Variants in KDM2B observed in about 807,000 individuals in gnomAD.
KDM2B encodes lysine demethylase 2B.
A neutral mutation model predicts 150.0 loss-of-function variants in KDM2B; 26 were observed. That is an observed-to-expected ratio of 0.17 (90% confidence interval 0.13 to 0.24). The LOEUF (loss-of-function observed/expected upper bound fraction) is 0.24, where lower values mean the gene tolerates loss of function less well. KDM2B is among the 10% of genes least tolerant of loss of function. KDM2B has a pLI of 1.00. For synonymous variants in KDM2B, 734 were observed against 729.5 expected, an observed-to-expected ratio of 1.01 and a Z score of -0.10; for missense variants, 1,265 against 1,816.9, an observed-to-expected ratio of 0.70 and a Z score of 5.52.
chr12:121,420,477 G>A, the KDM2B span: 1 of 1,567,682 alleles, frequency 6.4e-7, no homozygotes, highest in Non-Finnish European at 8.7e-7. Flanking sequence ...TTCTAGGACT[G>A]CTGAGATGGC....
chr12:121,534,748 T>G, intron 6 of KDM2B, 158 bp from the exon 7 acceptor site: 1 of 592,400 alleles, frequency 1.7e-6, no homozygotes, highest in Non-Finnish European at 3.0e-6. Flanking sequence ...GTAATCGGAG[T>G]TCCCCACGGG....
chr12:121,467,228 A>G lies in KDM2B; in HGVS notation c.1735-13884T>C. 4 of 1,025,336 alleles carry G rather than the reference A, an allele frequency of 3.9e-6. No homozygotes were observed. The highest frequency in any genetic ancestry group is 3.0e-5 in the South Asian group (1 of 33,406). The allele number at this position is 1,025,336 out of a possible 1,614,324, so 63.5% of individuals were successfully genotyped here. A position where few individuals can be genotyped will look rare whatever the true frequency, so the allele number is the denominator to read the frequency against. ...CATGGCCATGGCTCATGGTGGGCCC[A>G]GGCTCGCGCGCGCTGACATGGCTGG... On this transcript the variant is annotated intron_variant, in intron 12 of 22. Transcript: ENST00000377071. This position sits in a 1 kb window ranked among gnomAD's most constrained non-coding sequence, Gnocchi z 5.1.
downstream of KDM2B, among the ~76,000 whole-genome samples, chr12:121,428,407 C>A (rs1872618076): frequency 6.6e-6 from 1 of 152,096 alleles, no homozygotes; most frequent in Non-Finnish European, 1.5e-5. Flanking sequence ...TGTGGTCAGG[C>A]TGGTCTTGAA....
chr12:121,494,434 C>T lies in KDM2B; in HGVS notation c.1734+145G>A, dbSNP rs1883687599. On this transcript the variant is annotated intron_variant, in intron 12 of 22. Transcript: ENST00000377071. ...CCCTTTTAAAAACAAAAACATGGAA[C>T]AAATCACCAAAATCCTTCATCTTAA... 5.0e-6 allele frequency: 3 copies of T among 601,614 alleles called. No individual in the cohort carries two copies. The East Asian group carries it at 9.2e-5, about 18-fold the overall frequency. The allele number at this position is 601,614 out of a possible 1,614,324, so 37.3% of individuals were successfully genotyped here. A position where few individuals can be genotyped will look rare whatever the true frequency, so the allele number is the denominator to read the frequency against.
At chr12:121,548,262 G>C (rs1555311098) in intron 6 of KDM2B, among the ~76,000 whole-genome samples, 1 of 152,066 alleles carries the variant, frequency 6.6e-6, no homozygotes, top group African/African-American at 2.4e-5. Flanking sequence ...GCAAGACTCT[G>C]TCTCAGAAAA....
At chr12:121,425,542 T>G (rs1428375853), downstream of KDM2B, among the ~76,000 whole-genome samples, 4 of 151,972 alleles carry the variant, frequency 2.6e-5, no homozygotes, top group Non-Finnish European at 5.9e-5. Context: ...AAAATACCTG[T>G]GAACACCAGG....
chr12:121,436,507 T>C (rs1378039152), intron 22 of KDM2B, among the ~76,000 whole-genome samples: 17 of 135,846 alleles, frequency 1.3e-4, no homozygotes, highest in African/African-American at 4.7e-4. Context: ...GGCGACAGAG[T>C]GAGACTCCAT....
intron 12 of KDM2B, among the ~76,000 whole-genome samples, chr12:121,473,562 T>C (rs1446655981): frequency 1.3e-5 from 2 of 150,708 alleles, no homozygotes; most frequent in African/African-American, 4.9e-5. Context: ...CTACTAAAAA[T>C]ACAAAAGTCA....
chr12:121,530,504 G>C (rs1295638825), intron 8 of KDM2B, among the ~76,000 whole-genome samples: 1 of 151,826 alleles, frequency 6.6e-6, no homozygotes, highest in Non-Finnish European at 1.5e-5. Flanking sequence ...GCTGGGAACC[G>C]CTGAACTATG....
chr12:121,411,372 C>T, the KDM2B span, among the ~76,000 whole-genome samples: 1 of 152,128 alleles, frequency 6.6e-6, no homozygotes, highest in Non-Finnish European at 1.5e-5. Context: ...TTGGTATCTA[C>T]ACAGAGAATC....
chr12:121,447,222 C>A (rs1876426100), intron 13 of KDM2B, among the ~76,000 whole-genome samples: 1 of 151,976 alleles, frequency 6.6e-6, no homozygotes, highest in Non-Finnish European at 1.5e-5. Context: ...AACACAGAAG[C>A]AGATATGAAA....
chr12:121,449,014 C>G (rs1333621377), intron 13 of KDM2B, among the ~76,000 whole-genome samples: 6 of 152,184 alleles, frequency 3.9e-5, no homozygotes, highest in African/African-American at 1.4e-4. Context: ...CAGGCCAGGC[C>G]AAAGGGGACG....
chr12:121,565,204 T>TAAG (rs550776597), intron 4 of KDM2B, among the ~76,000 whole-genome samples: 285 of 151,966 alleles, frequency 1.9e-3, no homozygotes, highest in African/African-American at 6.3e-3. Context: ...TAAAGCTAGT[T>TAAG]AAGACAGTGT....
Position 121,509,800 on chromosome 12 carries a change from T to C in KDM2B, c.1414A>G (p.Thr472Ala), listed in dbSNP as rs1443905574. The change falls in exon 11 of 23, where the codon ACT becomes GCT. Residue 472 changes from threonine (T) to alanine (A), a missense_variant. By Grantham distance (58) the Thr-to-Ala change is moderately conservative. This residue lies in a region of KDM2B where 154 missense variants were observed against 162.5 expected (regional missense o/e 0.95). Coordinates refer to ENST00000377071, the MANE Select transcript of KDM2B (RefSeq NM_032590.5). ...KAPALRFLKR[T>A]LSNESEESVK... is the part of the protein sequence containing the mutation. ...CTTTCCTCCGACTCATTAGACAAAG[T>C]CCTTTTGAGGAATCGCAGGGCAGGT... 6 of 1,613,932 alleles carry C rather than the reference T, an allele frequency of 3.7e-6. No individual in the cohort carries two copies. The highest frequency in any genetic ancestry group is 1.7e-5 in the Admixed American group (1 of 59,998).
chr12:121,410,022 G>A, the KDM2B span, among the ~76,000 whole-genome samples: 2 of 152,114 alleles, frequency 1.3e-5, no homozygotes, highest in Non-Finnish European at 2.9e-5. Context: ...GGGCATGGTG[G>A]CAGATGCCTG....
the KDM2B span, among the ~76,000 whole-genome samples, chr12:121,422,698 C>T: frequency 6.6e-6 from 1 of 152,234 alleles, no homozygotes; most frequent in Non-Finnish European, 1.5e-5. Flanking sequence ...AAATCCATAG[C>T]CCTATGGCCA....
At chr12:121,544,079 C>T (rs1326490552) in intron 6 of KDM2B, among the ~76,000 whole-genome samples, 2 of 144,150 alleles carry the variant, frequency 1.4e-5, no homozygotes, top group Admixed American at 7.1e-5. Flanking sequence ...TGCGCCACTG[C>T]ACTCCAGCCT....
At chr12:121,497,599 C>G (rs1884114624) in intron 11 of KDM2B, among the ~76,000 whole-genome samples, 1 of 151,816 alleles carries the variant, frequency 6.6e-6, no homozygotes, top group Admixed American at 6.6e-5. Flanking sequence ...AGCCACCGCA[C>G]CTGGCCCCAG....
At chr12:121,534,193 CA>C (rs530037773) in intron 7 of KDM2B, among the ~76,000 whole-genome samples, 1 of 151,948 alleles carries the variant, frequency 6.6e-6, no homozygotes, top group Non-Finnish European at 1.5e-5. Context: ...ACTAAAAATA[CA>C]AAAAATTAGC....
Sources: gnomAD v4.1 joint callset for allele counts (sites outside exome capture counted in the v4.1 genomes callset) on GRCh38, gnomAD v4.1.1 for gene constraint, gnomAD v4.1.1 regional missense constraint, Gnocchi (gnomAD v3.1) non-coding constraint, MANE v1.5 for transcripts, NCBI Gene and HGNC (gene_info 2026-07-23, HGNC 2026-07-21) for gene names.